Variants in HIP1R observed in about 807,000 individuals in gnomAD.
HIP1R encodes the protein huntingtin-interacting protein 1-related protein.
In HIP1R, 135 loss-of-function variants were observed where a neutral mutation model predicts 144.2. The ratio of observed to expected loss-of-function variants is 0.94; its 90% CI spans 0.81 to 1.08. The LOEUF is 1.08. Among genes scored for constraint, HIP1R ranks in the 50% least tolerant of loss-of-function variants. The probability of loss-of-function intolerance (pLI) is 0.00; values close to 1 mark genes in which losing one functional copy is unlikely to be tolerated. For missense variants in HIP1R, 1,462 were observed against 1,432.8 expected (o/e 1.02, Z -0.33); for synonymous variants, 698 against 612.8 (o/e 1.14, Z -2.05).
intron 23 of HIP1R, 116 bp downstream of exon 23, chr12:122,859,652 C>T (rs901313359): frequency 7.3e-7 from 1 of 1,378,662 alleles, no homozygotes; most frequent in Admixed American, 1.9e-5. Flanking sequence ...AGACAGAGGA[C>T]AGATGGCGTT....
Position 122,861,954 on chromosome 12 carries a change from CTTAT to C in HIP1R, c.*206_*209del. On this transcript the variant is annotated 3_prime_UTR_variant, in exon 32 of 32. Transcript: ENST00000253083. Reference sequence around the variant, plus strand: ...GGGTGGTGCTTCTGGATGTGAGTCTCTTATTTATCTGCAGAAGGAACTTTGGGGT... The same window carrying C: ...GGGTGGTGCTTCTGGATGTGAGTCTCTTATCTGCAGAAGGAACTTTGGGGT... The C allele has an allele frequency of 1.8e-6, 1 of 546,502 alleles. No individual in the cohort carries two copies. The highest frequency in any genetic ancestry group is 3.2e-6 in the Non-Finnish European group (1 of 310,570). The allele number at this position is 546,502 out of a possible 1,614,324, so 33.9% of individuals were successfully genotyped here.
chr12:122,862,710 A>T lies in HIP1R; in HGVS notation c.*957A>T, dbSNP rs1329274824. On this transcript the variant is annotated 3_prime_UTR_variant, in exon 32 of 32. Coordinates refer to ENST00000253083, the MANE Select transcript of HIP1R (RefSeq NM_003959.3). Reference sequence around the variant, plus strand: ...GATTTGAACGAATGTGTGTCCCTTGAGCCCAAGGAGAGCGGCAGGAGGGGT... The same window carrying T: ...GATTTGAACGAATGTGTGTCCCTTGTGCCCAAGGAGAGCGGCAGGAGGGGT... The T allele has an allele frequency of 6.6e-6, 1 of 151,932 alleles. No homozygotes were observed. Among genetic ancestry groups the T allele is most frequent in the Non-Finnish European group, 1.5e-5 (1 of 67,976 alleles). The allele number at this position is 151,932 out of a possible 1,614,324, so 9.4% of individuals were successfully genotyped here.
intron 1 of HIP1R, among the ~76,000 whole-genome samples, chr12:122,838,763 G>C (rs2032976900): frequency 6.6e-6 from 1 of 152,196 alleles, no homozygotes. Flanking sequence ...TAATCACAAA[G>C]GTCTTTAAAT....
In HIP1R at chr12:122,835,586, G is replaced by A; in HGVS notation, c.36G>A (p.Leu12=). The A allele has an allele frequency of 7.4e-7, 1 of 1,348,580 alleles. No individual in the cohort carries two copies. The highest frequency in any genetic ancestry group is 9.6e-7 in the Non-Finnish European group (1 of 1,042,048). 83.5% of individuals were successfully genotyped at this position (1,348,580 alleles called of 1,614,324 possible). A position where few individuals can be genotyped will look rare whatever the true frequency, so the allele number is the denominator to read the frequency against. Residue 12 remains leucine (L), a synonymous_variant, in exon 1 of 32, where the codon CTG becomes CTA. Transcript: ENST00000253083. ...TCAAGAACGTGCCGGCGCGGGTGCTGAGCCGCAGGCCGGGCCACAGCCTGG... is the reference window on the plus strand; with the variant it reads ...TCAAGAACGTGCCGGCGCGGGTGCTAAGCCGCAGGCCGGGCCACAGCCTGG... The part of the protein sequence containing the change: ...NSIKNVPARV[L]SRRPGHSLEA...
chr12:122,858,951 T>C lies in HIP1R; in HGVS notation c.2158+6T>C. 2 of 1,612,610 alleles carry C rather than the reference T, an allele frequency of 1.2e-6. No individual in the cohort carries two copies. The highest frequency in any genetic ancestry group is 2.2e-5 in the East Asian group (1 of 44,858). ...TCCCACCGACCCTGCCGACCGTAAG[T>C]GGGTCCTGGGATGGCAGGTTCTGTC... On this transcript the variant is annotated splice_donor_region_variant and intron_variant, in intron 21 of 31. Transcript: ENST00000253083.
intron 27 of HIP1R, 43 bp from the exon 28 acceptor site, chr12:122,860,636 G>A (rs372874688): frequency 8.2e-6 from 13 of 1,582,380 alleles, no homozygotes; most frequent in Admixed American, 1.7e-5. Flanking sequence ...CCAGCCGTCC[G>A]TGGGGTCAGA....
In HIP1R at chr12:122,858,153, G is replaced by A. The variant is rs202046624; in HGVS notation, c.1867G>A (p.Val623Met). The A allele has an allele frequency of 3.1e-6, 5 of 1,605,234 alleles. No individual in the cohort carries two copies. The highest frequency in any genetic ancestry group is 3.4e-6 in the Non-Finnish European group (4 of 1,178,102). The change falls in exon 19 of 32, where the codon GTG becomes ATG. Residue 623 changes from valine (V) to methionine (M), a missense_variant. Physicochemically the swap from Val to Met is conservative, Grantham distance 21 (BLOSUM62 1). Transcript: ENST00000253083. ...GAGGCTGCTGGACGAGCAGTTCGCA[G>A]TGTTGCGGGGCGCTGCTGCCGAGGC... The part of the protein sequence containing the change: ...RQRLLDEQFA[V>M]LRGAAAEAAG...
rs759002126 is a variant in HIP1R at position 122,860,877 on chromosome 12, C to T, written c.2767-39C>T. ...AGCCCAGGCCTGCTGCTGCCCTGAG[C>T]TGGGAGACCTGGGCCCACCCTGACC... On this transcript the variant is annotated intron_variant, in intron 28 of 31. Transcript: ENST00000253083. 3.4e-5 allele frequency: 55 copies of T among 1,599,438 alleles called. No individual in the cohort carries two copies. The East Asian group carries it at 1.2e-3, about 34-fold the overall frequency.
chr12:122,857,440 G>C (rs372180824), intron 18 of HIP1R: 2 of 604,156 alleles, frequency 3.3e-6, no homozygotes, highest in African/African-American at 1.8e-5. Flanking sequence ...GTACTCTGCC[G>C]TGTGGACAGA....
In HIP1R at chr12:122,862,013, A is replaced by G. The variant is rs2033786166; in HGVS notation, c.*260A>G. ...CCAGGACCCGGTAGGCCTGAGCCTC[A>G]ACTCTTCAGAAAATAGTGTTTTTAA... On this transcript the variant is annotated 3_prime_UTR_variant, in exon 32 of 32. Coordinates refer to ENST00000253083, the MANE Select transcript of HIP1R (RefSeq NM_003959.3). The G allele has an allele frequency of 1.0e-5, 5 of 480,554 alleles. No homozygotes were observed. In the East Asian group the frequency reaches 1.7e-4, roughly 16 times the overall value. 29.8% of individuals were successfully genotyped at this position (480,554 alleles called of 1,614,324 possible).
At chr12:122,858,562 C>T in intron 20 of HIP1R, 127 bp downstream of exon 20, 1 of 761,002 alleles carries the variant, frequency 1.3e-6, no homozygotes, top group South Asian at 1.8e-5. Context: ...CAGATGCCCC[C>T]TGCCTGCTCC....
At chr12:122,841,538 C>A (rs1184001388) in intron 1 of HIP1R, among the ~76,000 whole-genome samples, 1 of 152,204 alleles carries the variant, frequency 6.6e-6, no homozygotes, top group African/African-American at 2.4e-5. Context: ...AGGCTCATGG[C>A]CATCCATTCT....
intron 6 of HIP1R, 37 bp from the exon 7 acceptor site, chr12:122,851,198 CA>C (rs2033384249): frequency 5.4e-6 from 8 of 1,477,132 alleles, no homozygotes; most frequent in Middle Eastern, 2.2e-4. Flanking sequence ...TGGGTCCACC[CA>C]CCCTTTTTCA....
In HIP1R at chr12:122,861,035, C is replaced by T. The variant is rs2033754035; in HGVS notation, c.2886C>T (p.Asp962=). Reference sequence around the variant, plus strand: ...AGTCAGGCCAGGAGCAGATTGAGGACAGAGGTGAGTGCCAGATGCCAACGG... The same window carrying T: ...AGTCAGGCCAGGAGCAGATTGAGGATAGAGGTGAGTGCCAGATGCCAACGG... ...STKSGQEQIE[D]RDTMDFSGLS... is the part of the protein sequence containing the mutation. Residue 962 remains aspartate, a synonymous_variant, in exon 29 of 32, where the codon GAC becomes GAT. Transcript: ENST00000253083. The T allele has an allele frequency of 6.2e-7, 1 of 1,613,666 alleles. No individual in the cohort carries two copies. Among genetic ancestry groups the T allele is most frequent in the East Asian group, 2.2e-5 (1 of 44,868 alleles).
In HIP1R at chr12:122,858,384, G is replaced by A; in HGVS notation, c.1999G>A (p.Ala667Thr). ...LVSRAQEALDAVSTLEEGHAQ... is the reference protein window; with the variant it reads ...LVSRAQEALDTVSTLEEGHAQ... Reference sequence around the variant, plus strand: ...GAGCAGGGCCCAGGAGGCCTTGGATGCCGTGAGCACCCTGGAGGAGGGCCA... The same window carrying A: ...GAGCAGGGCCCAGGAGGCCTTGGATACCGTGAGCACCCTGGAGGAGGGCCA... Residue 667 changes from alanine to threonine, a missense_variant, in exon 20 of 32, where the codon GCC becomes ACC. Coordinates refer to ENST00000253083, the MANE Select transcript of HIP1R (RefSeq NM_003959.3). 1.9e-6 allele frequency: 3 copies of A among 1,611,152 alleles called. No individual in the cohort carries two copies. The highest frequency in any genetic ancestry group is 2.5e-6 in the Non-Finnish European group (3 of 1,178,574).
chr12:122,848,423 C>T (rs370068766), intron 2 of HIP1R, 43 bp from the exon 3 acceptor site: 91 of 1,578,804 alleles, frequency 5.8e-5, no homozygotes, highest in Non-Finnish European at 7.3e-5. Flanking sequence ...GCTGAGCCCC[C>T]GTGCTCCAGT....
At chr12:122,857,350 C>T in intron 18 of HIP1R, 135 bp downstream of exon 18, 1 of 832,254 alleles carries the variant, frequency 1.2e-6, no homozygotes, top group Non-Finnish European at 2.0e-6. Flanking sequence ...TTGTGTCCGG[C>T]TTCTTCACTC....
rs1027918831 is a variant in HIP1R at position 122,858,496 on chromosome 12, C to T, written c.2050+61C>T. 12 of 1,355,060 alleles carry T rather than the reference C, an allele frequency of 8.9e-6. No homozygotes were observed. The African/African-American group carries it at 1.6e-4, about 18-fold the overall frequency. The allele number at this position is 1,355,060 out of a possible 1,614,324, so 83.9% of individuals were successfully genotyped here. A position where few individuals can be genotyped will look rare whatever the true frequency, so the allele number is the denominator to read the frequency against. On this transcript the variant is annotated intron_variant, in intron 20 of 31. Transcript: ENST00000253083. Reference sequence around the variant, plus strand: ...GTGTCCCAGTTCCAGCGCCCATGGCCACCTCTTGCCTTTTGGGAGGTTTAC... The same window carrying T: ...GTGTCCCAGTTCCAGCGCCCATGGCTACCTCTTGCCTTTTGGGAGGTTTAC...
intron 1 of HIP1R, among the ~76,000 whole-genome samples, chr12:122,845,710 G>A (rs149007762): frequency 3.3e-4 from 50 of 152,264 alleles, no homozygotes; most frequent in African/African-American, 1.1e-3. Flanking sequence ...GAGGGTGCCC[G>A]GCCCTCAGAG....
Sources: gnomAD v4.1 joint callset for allele counts (sites outside exome capture counted in the v4.1 genomes callset) on GRCh38, gnomAD v4.1.1 for gene constraint, MANE v1.5 for transcripts, NCBI Gene and HGNC (gene_info 2026-07-23, HGNC 2026-07-21) for gene names.